The following COL4A5 variants were observed in gnomAD, a reference collection of about 807,000 sequenced individuals.
The protein encoded by COL4A5 is collagen type IV alpha 5 chain.
COL4A5 carries 26 observed loss-of-function variants against 130.2 expected under a neutral mutation model. The observed-to-expected ratio is 0.20, with a 90% confidence interval of 0.15 to 0.28. The LOEUF (loss-of-function observed/expected upper bound fraction) is 0.28, where lower values mean the gene tolerates loss of function less well. COL4A5 is among the 10% of genes least tolerant of loss of function. The pLI is 1.00. For synonymous variants in COL4A5, 496 were observed against 439.6 expected (o/e 1.13, Z -1.60); for missense variants, 1,131 against 1,344.3 (o/e 0.84, Z 2.48).
rs370631026 is a variant in COL4A5 at position 108,610,202 on chromosome X, G to A, written c.2395+3310G>A. ...AATGAGAAGGAATAGAATTAGTAAAGCTGACTTGCATTTTTTTTCCTTTGA... is the reference window on the plus strand; with the variant it reads ...AATGAGAAGGAATAGAATTAGTAAAACTGACTTGCATTTTTTTTCCTTTGA... On this transcript the variant is annotated intron_variant, in intron 29 of 52. Coordinates refer to ENST00000328300, the MANE Select transcript of COL4A5 (RefSeq NM_033380.3). Among the ~76,000 whole-genome samples, 65 of 110,791 alleles carry A rather than the reference G, an allele frequency of 5.9e-4. 1 individual carries two copies. The highest frequency in any genetic ancestry group is 2.0e-3 in the African/African-American group (62 of 30,578).
chrX:108,488,886 A>T (rs1278413851), intron 1 of COL4A5, among the ~76,000 whole-genome samples: 2 of 111,358 alleles, frequency 1.8e-5, no homozygotes, highest in Non-Finnish European at 3.8e-5. Context: ...GTGTTTTAAA[A>T]TTTCGGTAGC....
chrX:108,479,315 C>T (rs767043449), intron 1 of COL4A5, among the ~76,000 whole-genome samples: 4 of 112,464 alleles, frequency 3.6e-5, no homozygotes, highest in Non-Finnish European at 7.5e-5. Flanking sequence ...GACCATCCAG[C>T]CAAAGCATTG....
rs1279015489 is a variant in COL4A5, at chrX:108,522,815, G to A, written c.82-16931G>A. ...GATAAAATTGTTTTTAACTTTTTTTGTTACTTGTACTGTTGCTATAATATC... is the reference window on the plus strand; with the variant it reads ...GATAAAATTGTTTTTAACTTTTTTTATTACTTGTACTGTTGCTATAATATC... On this transcript the variant is annotated intron_variant, in intron 1 of 52. Transcript: ENST00000328300. 2.9e-5 allele frequency among the ~76,000 whole-genome samples: 3 copies of A among 104,663 alleles called. No individual in the cohort carries two copies. The East Asian group carries it at 8.9e-4, about 31-fold the overall frequency. 90.9% of individuals were successfully genotyped at this position (104,663 alleles called of 115,157 possible).
intron 1 of COL4A5, among the ~76,000 whole-genome samples, chrX:108,508,308 T>C (rs1205865886): frequency 9.1e-6 from 1 of 109,627 alleles, no homozygotes; most frequent in African/African-American, 3.3e-5. Context: ...AAGGATGAAA[T>C]ACCTGCTAAT....
At chrX:108,620,653 T>A (rs189719196) in intron 31 of COL4A5, among the ~76,000 whole-genome samples, 4 of 111,940 alleles carry the variant, frequency 3.6e-5, no homozygotes, top group African/African-American at 1.3e-4. Flanking sequence ...CAAAACTTAA[T>A]GATTTTAACC....
At chrX:108,504,530 A>G (rs1171400659) in intron 1 of COL4A5, among the ~76,000 whole-genome samples, 1 of 112,224 alleles carries the variant, frequency 8.9e-6, no homozygotes, top group Non-Finnish European at 1.9e-5. Context: ...ACTGAAACAA[A>G]TCAGCAAGAA....
intron 2 of COL4A5, among the ~76,000 whole-genome samples, chrX:108,555,238 C>A (rs2065807298): frequency 8.9e-6 from 1 of 111,752 alleles, no homozygotes; most frequent in Non-Finnish European, 1.9e-5. Context: ...GGTGTCAGGG[C>A]CAGGTAATGT....
chrX:108,572,630 A>G (rs940232193), intron 8 of COL4A5, among the ~76,000 whole-genome samples: 2 of 111,627 alleles, frequency 1.8e-5, no homozygotes, highest in African/African-American at 6.5e-5. Context: ...TACCACGTTA[A>G]TCATAATGTC....
chrX:108,688,511 C>A (rs1359821098), intron 49 of COL4A5, among the ~76,000 whole-genome samples: 1 of 110,693 alleles, frequency 9.0e-6, no homozygotes, highest in African/African-American at 3.3e-5. Context: ...TCTCAGCTCA[C>A]TGCTACCTCT....
intron 1 of COL4A5, among the ~76,000 whole-genome samples, chrX:108,475,240 T>C (rs767618408): frequency 2.1e-4 from 23 of 111,793 alleles, no homozygotes; most frequent in African/African-American, 6.5e-4. Context: ...TAAGAACTTA[T>C]TTTAGCAATG....
intron 34 of COL4A5, among the ~76,000 whole-genome samples, chrX:108,625,394 G>A (rs1431112828): frequency 8.9e-6 from 1 of 112,304 alleles, no homozygotes; most frequent in Non-Finnish European, 1.9e-5. Flanking sequence ...AATACATTAA[G>A]GGTAGTTGTA....
At chrX:108,442,707 T>A (rs190346099) in intron 1 of COL4A5, among the ~76,000 whole-genome samples, 336 of 111,689 alleles carry the variant, frequency 3.0e-3, no homozygotes, top group African/African-American at 0.011. Context: ...AAACACTTCA[T>A]CCTCTATGAA....
At chrX:108,522,807 C>CT (rs1326869378) in intron 1 of COL4A5, among the ~76,000 whole-genome samples, 1 of 107,309 alleles carries the variant, frequency 9.3e-6, no homozygotes, top group Non-Finnish European at 1.9e-5. Flanking sequence ...TTGTTTTTAA[C>CT]TTTTTTTGTT....
At position 108,577,392 on chromosome X, in the gene COL4A5, A is replaced by G. The variant is rs1327196174; in HGVS notation, c.610-560A>G. ...CTTCTCAAAAAAAAAAAAAAAAAAAAGAAAGAAAGAAAGAAAGAAATGCCA... is the reference window on the plus strand; with the variant it reads ...CTTCTCAAAAAAAAAAAAAAAAAAAGGAAAGAAAGAAAGAAAGAAATGCCA... On this transcript the variant is annotated intron_variant, in intron 10 of 52. Coordinates refer to ENST00000328300, the MANE Select transcript of COL4A5 (RefSeq NM_033380.3). 1.2e-4 allele frequency among the ~76,000 whole-genome samples: 12 copies of G among 104,176 alleles called. No homozygotes were observed. In the South Asian group the frequency reaches 4.2e-3, roughly 37 times the overall value. The allele number at this position is 104,176 out of a possible 115,157, so 90.5% of individuals were successfully genotyped here.
At chrX:108,666,048 G>GAA (rs770008300) in intron 38 of COL4A5, among the ~76,000 whole-genome samples, 83 of 96,485 alleles carry the variant, frequency 8.6e-4, no homozygotes, top group African/African-American at 3.0e-3. Context: ...CAAGACCCTC[G>GAA]AAAAAAAAAA....
intron 3 of COL4A5, 151 bp from the exon 4 acceptor site, chrX:108,563,731 C>G: frequency 4.3e-6 from 2 of 468,692 alleles, no homozygotes. Context: ...CTTTCAGTCT[C>G]AATAATAAAT....
intron 36 of COL4A5, among the ~76,000 whole-genome samples, chrX:108,654,283 T>C (rs2067791822): frequency 8.9e-6 from 1 of 112,617 alleles, no homozygotes; most frequent in African/African-American, 3.2e-5. Context: ...GCAAAAACGG[T>C]TATACATATG....
intron 1 of COL4A5, among the ~76,000 whole-genome samples, chrX:108,481,684 C>T (rs1197387002): frequency 9.0e-6 from 1 of 111,620 alleles, no homozygotes; most frequent in Non-Finnish European, 1.9e-5. Context: ...AGTACCACCA[C>T]TTGGCCGCTG....
intron 42 of COL4A5, chrX:108,674,494 A>G: frequency 3.4e-6 from 1 of 291,045 alleles, no homozygotes; most frequent in East Asian, 5.2e-5. Flanking sequence ...TATTTTCTGG[A>G]TTAACGAAGA....
Sources: gnomAD v4.1 joint callset for allele counts (sites outside exome capture counted in the v4.1 genomes callset) on GRCh38, gnomAD v4.1.1 for gene constraint, MANE v1.5 for transcripts, NCBI Gene and HGNC (gene_info 2026-07-23, HGNC 2026-07-21) for gene names.